The following KCNH5 variants were observed in gnomAD, a reference collection of about 807,000 sequenced individuals.
The protein encoded by KCNH5 is voltage-gated delayed rectifier potassium channel KCNH5.
KCNH5 carries 46 observed loss-of-function variants against 96.1 expected under a neutral mutation model. The observed-to-expected ratio is 0.48, with a 90% confidence interval of 0.38 to 0.61. The LOEUF is 0.61. Ranked by LOEUF, KCNH5 falls within the 20% of genes least tolerant of loss-of-function variation. KCNH5 has a pLI of 0.00. For synonymous variants in KCNH5, 439 were observed against 449.8 expected, an observed-to-expected ratio of 0.98 and a Z score of 0.30; for missense variants, 907 against 1,225.8, an observed-to-expected ratio of 0.74 and a Z score of 3.88.
rs913028968 is a variant in KCNH5 at position 62,988,444 on chromosome 14, G to C, written c.434-1257C>G. 2.6e-5 allele frequency among the ~76,000 whole-genome samples: 4 copies of C among 152,032 alleles called. No individual in the cohort carries two copies. In the South Asian group the frequency reaches 8.3e-4, roughly 31 times the overall value. On this transcript the variant is annotated intron_variant, in intron 4 of 10. Coordinates refer to ENST00000322893, the MANE Select transcript of KCNH5 (RefSeq NM_139318.5). ...CCTAATATCTGTCAAACCATAAAAT[G>C]CAGGTGACATCATTCTTTACTACTA...
At chr14:62,894,037 A>AT in intron 7 of KCNH5, among the ~76,000 whole-genome samples, 1 of 152,188 alleles carries the variant, frequency 6.6e-6, no homozygotes, top group Non-Finnish European at 1.5e-5. Context: ...GACTCAGATG[A>AT]TTTTTTGCAT....
At chr14:62,793,520 G>A (rs770645067) in intron 9 of KCNH5, among the ~76,000 whole-genome samples, 6 of 151,694 alleles carry the variant, frequency 4.0e-5, no homozygotes, top group East Asian at 3.9e-4. Context: ...TCACAGAAGC[G>A]TATAGAGAAA....
chr14:62,849,471 T>C (rs1443641593), intron 8 of KCNH5, among the ~76,000 whole-genome samples, 182 bp downstream of exon 8: 1 of 152,220 alleles, frequency 6.6e-6, no homozygotes, highest in Admixed American at 6.5e-5. Flanking sequence ...TGATGATTAA[T>C]GGTTCAGTGC....
At chr14:62,777,424 T>C (rs974345925) in intron 10 of KCNH5, among the ~76,000 whole-genome samples, 1 of 152,176 alleles carries the variant, frequency 6.6e-6, no homozygotes, top group Non-Finnish European at 1.5e-5. Context: ...TAAGATATTA[T>C]ATGTAAACTA....
intron 8 of KCNH5, among the ~76,000 whole-genome samples, chr14:62,844,621 A>C (rs574218533): frequency 6.6e-6 from 1 of 152,350 alleles, no homozygotes; most frequent in African/African-American, 2.4e-5. Flanking sequence ...AATTTAAAAA[A>C]AATCTAAAGC....
At chr14:62,939,765 C>G (rs1241912998) in intron 7 of KCNH5, among the ~76,000 whole-genome samples, 1 of 152,022 alleles carries the variant, frequency 6.6e-6, no homozygotes, top group African/African-American at 2.4e-5. Context: ...CGTGGTGAAA[C>G]CCCCAACTCT....
intron 7 of KCNH5, among the ~76,000 whole-genome samples, chr14:62,897,081 C>T (rs1888828725): frequency 6.6e-6 from 1 of 152,174 alleles, no homozygotes; most frequent in African/African-American, 2.4e-5. Context: ...GTGGCTAGAA[C>T]TGACACATTT....
intron 10 of KCNH5, among the ~76,000 whole-genome samples, chr14:62,777,860 TGTG>T (rs924932684): frequency 1.6e-5 from 1 of 64,248 alleles, no homozygotes; most frequent in Non-Finnish European, 3.3e-5. Context: ...TATGTGTATT[TGTG>T]TGTGTGTGTG....
At chr14:62,981,614 C>CACCATTATCT (rs951063346) in intron 5 of KCNH5, among the ~76,000 whole-genome samples, 1 of 152,210 alleles carries the variant, frequency 6.6e-6, no homozygotes, top group African/African-American at 2.4e-5. Flanking sequence ...TTGGGTGAGA[C>CACCATTATCT]ACCATTATCT....
intron 4 of KCNH5, among the ~76,000 whole-genome samples, chr14:62,988,899 C>A (rs1284061084): frequency 1.3e-5 from 2 of 151,958 alleles, no homozygotes; most frequent in African/African-American, 4.8e-5. Context: ...ACACCATCTT[C>A]CCCCTTTATC....
At chr14:63,017,102 G>C (rs779806834) in intron 1 of KCNH5, 148 bp from the exon 2 acceptor site, 86 of 697,568 alleles carry the variant, frequency 1.2e-4, no homozygotes, top group Non-Finnish European at 1.7e-4. Flanking sequence ...TCTTGAAACT[G>C]ACATAACCAG....
intron 6 of KCNH5, among the ~76,000 whole-genome samples, chr14:62,966,773 G>A (rs1435256685): frequency 6.6e-6 from 1 of 152,076 alleles, no homozygotes; most frequent in African/African-American, 2.4e-5. Context: ...TTGCCTTGCT[G>A]TTTCCTCCAA....
At chr14:62,879,524 G>A (rs1317523103) in intron 7 of KCNH5, among the ~76,000 whole-genome samples, 1 of 152,066 alleles carries the variant, frequency 6.6e-6, no homozygotes, top group East Asian at 1.9e-4. Flanking sequence ...TGAACATTTA[G>A]GTTATTTCCA....
At chr14:62,982,066 G>A (rs558385905) in intron 5 of KCNH5, among the ~76,000 whole-genome samples, 50 of 152,230 alleles carry the variant, frequency 3.3e-4, no homozygotes, top group Admixed American at 3.1e-3. Flanking sequence ...ATTGCCTTCT[G>A]GAACCTGGAA....
chr14:63,029,087 A>T (rs1196941243), intron 1 of KCNH5, among the ~76,000 whole-genome samples: 2 of 152,138 alleles, frequency 1.3e-5, no homozygotes, highest in African/African-American at 4.8e-5. Context: ...TTTTAACTAT[A>T]TGCACTCTGA....
intron 5 of KCNH5, among the ~76,000 whole-genome samples, chr14:62,982,508 G>A (rs1435588242): frequency 6.6e-6 from 1 of 152,156 alleles, no homozygotes; most frequent in African/African-American, 2.4e-5. Context: ...GGACCCAGAA[G>A]GTAGGAGTCA....
chr14:62,985,431 T>C (rs1594660024), intron 5 of KCNH5, among the ~76,000 whole-genome samples: 1 of 152,184 alleles, frequency 6.6e-6, no homozygotes. Flanking sequence ...TTAAGAAAAT[T>C]ACTCTGAAGT....
intron 7 of KCNH5, among the ~76,000 whole-genome samples, chr14:62,941,278 G>A (rs1272515938): frequency 6.6e-6 from 1 of 152,162 alleles, no homozygotes; most frequent in African/African-American, 2.4e-5. Flanking sequence ...TACAGAATTT[G>A]AGAGGCTTTG....
At chr14:62,949,950 T>C (rs1889967564) in intron 7 of KCNH5, 183 bp downstream of exon 7, 2 of 581,860 alleles carry the variant, frequency 3.4e-6, no homozygotes, top group East Asian at 6.1e-5. Context: ...TATTATGTCC[T>C]GAAGAGTAAA....
Sources: allele counts gnomAD v4.1 joint callset (sites outside exome capture counted in the v4.1 genomes callset), GRCh38; gene constraint gnomAD v4.1.1; transcripts MANE v1.5; gene names NCBI Gene and HGNC (gene_info 2026-07-23, HGNC 2026-07-21).